ROS1: variants seen among roughly 807,000 people sequenced by gnomAD.
ROS1 encodes proto-oncogene tyrosine-protein kinase ROS.
A neutral mutation model predicts 273.5 loss-of-function variants in ROS1; 263 were observed. The ratio of observed to expected loss-of-function variants is 0.96; its 90% CI spans 0.87 to 1.06. The LOEUF (loss-of-function observed/expected upper bound fraction) is 1.06. ROS1 is among the 50% of genes least tolerant of loss of function. The pLI is 0.00. For missense variants in ROS1, 2,833 were observed against 2,751.1 expected (o/e 1.03, Z -0.67); for synonymous variants, 1,008 against 954.1 (o/e 1.06, Z -1.04).
chr6:117,421,872 T>C (rs1203019700), intron 1 of ROS1, among the ~76,000 whole-genome samples: 1 of 152,194 alleles, frequency 6.6e-6, no homozygotes, highest in African/African-American at 2.4e-5. Flanking sequence ...ATAATTTCTT[T>C]TTAGGGAGTC....
Position 117,409,652 on chromosome 6 carries a change from A to G in ROS1, c.256-10T>C. The G allele has an allele frequency of 6.2e-7, 1 of 1,613,384 alleles. No individual in the cohort carries two copies. Among genetic ancestry groups the G allele is most frequent in the Non-Finnish European group, 8.5e-7 (1 of 1,179,370 alleles). On this transcript the variant is annotated splice_polypyrimidine_tract_variant and intron_variant, in intron 4 of 43. Coordinates refer to ENST00000368507, the MANE Select transcript of ROS1 (RefSeq NM_001378902.1). ...CCTCACACGACTCCCGCTGTGGAAG[A>G]CAGGGAGCATGACAGTCAGGGCAGC...
At position 117,379,150 on chromosome 6, in the gene ROS1, G is replaced by C; in HGVS notation, c.2491C>G (p.Leu831Val). The C allele has an allele frequency of 1.2e-6, 2 of 1,607,286 alleles. No individual in the cohort carries two copies. Among genetic ancestry groups the C allele is most frequent in the South Asian group, 1.1e-5 (1 of 90,674 alleles). ...AGCCCATCACTGAGGTCTAAAGTTA[G>C]AGCAATTACCTAAGTAGAAAGTAAG... ...PWFSGKKVIALTLDLSDGLLY... is the reference protein window; with the variant it reads ...PWFSGKKVIAVTLDLSDGLLY... The change falls in exon 18 of 44, where the codon CTA becomes GTA. Residue 831 changes from leucine (L) to valine (V), a missense_variant. Transcript: ENST00000368507.
chr6:117,416,445 C>G (rs926720204), intron 2 of ROS1, 128 bp from the exon 3 acceptor site: 1 of 658,404 alleles, frequency 1.5e-6, no homozygotes, highest in Non-Finnish European at 2.7e-6. Context: ...TACCAAGAAA[C>G]CTGAGGCCTC....
rs1338468574 is a variant in ROS1 at position 117,403,149 on chromosome 6, A to T, written c.594T>A (p.His198Gln). Residue 198 changes from histidine to glutamine, a missense_variant, in exon 7 of 44, where the codon CAT (histidine) becomes CAA (glutamine). By Grantham distance (24) the His-to-Gln change is conservative. Coordinates refer to ENST00000368507, the MANE Select transcript of ROS1 (RefSeq NM_001378902.1). Reference protein sequence around the residue: ...YSPPSPSYRTHPHGVPETAPL... With the variant: ...YSPPSPSYRTQPHGVPETAPL... Reference sequence around the variant, plus strand: ...GTGTGCACACCATACCTCCATGAGGATGAGTCCTGTAACTGGGACTTGGAG... The same window carrying T: ...GTGTGCACACCATACCTCCATGAGGTTGAGTCCTGTAACTGGGACTTGGAG... The T allele has an allele frequency of 6.2e-7, 1 of 1,613,808 alleles. No homozygotes were observed. The highest frequency in any genetic ancestry group is 8.5e-7 in the Non-Finnish European group (1 of 1,179,944).
At chr6:117,402,114 A>C (rs1302899705) in intron 7 of ROS1, among the ~76,000 whole-genome samples, 1 of 152,126 alleles carries the variant, frequency 6.6e-6, no homozygotes, top group African/African-American at 2.4e-5. Flanking sequence ...TCAAAACCTT[A>C]CAGTGACTCT....
chr6:117,302,279 CT>C (rs1474721047), intron 42 of ROS1, among the ~76,000 whole-genome samples: 1 of 152,122 alleles, frequency 6.6e-6, no homozygotes, highest in Admixed American at 6.5e-5. Context: ...AACCCAACCT[CT>C]CTTATTTTCA....
chr6:117,375,327 C>T (rs1299130173), intron 18 of ROS1, among the ~76,000 whole-genome samples: 1 of 152,206 alleles, frequency 6.6e-6, no homozygotes, highest in Non-Finnish European at 1.5e-5. Flanking sequence ...AAAGACTACA[C>T]ACTGGGTACA....
In ROS1 at chr6:117,321,259, T is replaced by C. The variant is rs771279875; in HGVS notation, c.5759A>G (p.His1920Arg). 2.3e-5 allele frequency: 37 copies of C among 1,612,878 alleles called. No homozygotes were observed. The highest frequency in any genetic ancestry group is 2.7e-5 in the African/African-American group (2 of 74,890). Residue 1920 changes from histidine to arginine, a missense_variant and splice_region_variant, in exon 36 of 44, where the codon CAT (histidine) becomes CGT (arginine). Coordinates refer to ENST00000368507, the MANE Select transcript of ROS1 (RefSeq NM_001378902.1). ...VGLANACYAI[H>R]TLPTQEEIEN... The stretch of plus-strand genomic sequence containing the variant: ...CATAATGATGGCCAAAGCTACATAC[T>C]GTATTGCATAGCAGGCATTAGCCAG...
chr6:117,404,022 G>C (rs914163065), intron 6 of ROS1, among the ~76,000 whole-genome samples: 1 of 152,184 alleles, frequency 6.6e-6, no homozygotes. Flanking sequence ...GGATCACGAG[G>C]TCAGGAGATG....
At chr6:117,401,735 G>GA (rs1466673505) in intron 7 of ROS1, among the ~76,000 whole-genome samples, 1 of 128,478 alleles carries the variant, frequency 7.8e-6, no homozygotes, top group Non-Finnish European at 1.6e-5. Context: ...TTGAATGAAT[G>GA]AAAAAAGTGC....
intron 34 of ROS1, among the ~76,000 whole-genome samples, chr6:117,325,225 C>T (rs1456482451): frequency 6.6e-6 from 1 of 152,084 alleles, no homozygotes; most frequent in Non-Finnish European, 1.5e-5. Context: ...TAAGGAGCAT[C>T]AGGTAAGCAT....
At chr6:117,302,626 T>C (rs944401476) in intron 42 of ROS1, among the ~76,000 whole-genome samples, 1 of 152,216 alleles carries the variant, frequency 6.6e-6, no homozygotes, top group Non-Finnish European at 1.5e-5. Flanking sequence ...GGGAATCCAT[T>C]CCTGTTTCTG....
chr6:117,340,763 T>C (rs1193371208), intron 31 of ROS1, among the ~76,000 whole-genome samples: 1 of 152,146 alleles, frequency 6.6e-6, no homozygotes, highest in Non-Finnish European at 1.5e-5. Flanking sequence ...TGAAAGAACA[T>C]TTCTAAACAA....
intron 4 of ROS1, among the ~76,000 whole-genome samples, chr6:117,412,442 A>G (rs1362428589): frequency 6.6e-6 from 1 of 152,148 alleles, no homozygotes; most frequent in Non-Finnish European, 1.5e-5. Flanking sequence ...TCCAAGTTCT[A>G]TTTCACTGAG....
In ROS1 at chr6:117,402,847, C is replaced by T. The variant is rs545278890; in HGVS notation, c.604+292G>A. Among the ~76,000 whole-genome samples the T allele has an allele frequency of 1.2e-4, 18 of 146,400 alleles. No homozygotes were observed. The South Asian group carries it at 3.9e-3, about 31-fold the overall frequency. ...AGGTTGCAGTGAGCCAAGATCACAC[C>T]ACTGCATTCCAGCCTGGGCAACAGA... is the stretch of plus-strand genomic sequence containing the variant. On this transcript the variant is annotated intron_variant, in intron 7 of 43. Coordinates refer to ENST00000368507, the MANE Select transcript of ROS1 (RefSeq NM_001378902.1).
At chr6:117,413,728 TCC>T (rs1775112997) in intron 4 of ROS1, among the ~76,000 whole-genome samples, 1 of 152,124 alleles carries the variant, frequency 6.6e-6, no homozygotes, top group East Asian at 1.9e-4. Flanking sequence ...ATGCCTGTAA[TCC>T]CAGCACTTCG....
intron 27 of ROS1, among the ~76,000 whole-genome samples, chr6:117,349,539 T>C (rs1283652257): frequency 2.0e-5 from 3 of 152,034 alleles, no homozygotes; most frequent in Non-Finnish European, 4.4e-5. Context: ...GTCTTTTAGT[T>C]GGTGTATTTA....
intron 33 of ROS1, among the ~76,000 whole-genome samples, chr6:117,327,138 C>T (rs545726483): frequency 1.8e-4 from 27 of 152,250 alleles, no homozygotes; most frequent in African/African-American, 5.8e-4. Flanking sequence ...TGCCAATCCA[C>T]GGTAAGCTTA....
chr6:117,395,036 T>C (rs3798384), intron 9 of ROS1, among the ~76,000 whole-genome samples: 65,381 of 151,976 alleles, frequency 0.43, 15,505 homozygotes, highest in African/African-American at 0.63. Flanking sequence ...CAGCTCAGCT[T>C]ATTATTTTCA....
Sources: gnomAD v4.1 joint callset for allele counts (sites outside exome capture counted in the v4.1 genomes callset) on GRCh38, gnomAD v4.1.1 for gene constraint, MANE v1.5 for transcripts, NCBI Gene and HGNC (gene_info 2026-07-23, HGNC 2026-07-21) for gene names.